The following IL1RAPL2 variants were observed in gnomAD, a reference collection of about 807,000 sequenced individuals.
The protein encoded by IL1RAPL2 is interleukin 1 receptor accessory protein like 2.
In IL1RAPL2, 3 loss-of-function variants were observed where a neutral mutation model predicts 44.1. The ratio of observed to expected loss-of-function variants is 0.07; its 90% CI spans 0.03 to 0.18. The LOEUF is 0.18. Ranked by LOEUF, IL1RAPL2 falls within the 10% of genes least tolerant of loss-of-function variation. The pLI is 1.00. For missense variants in IL1RAPL2, 391 were observed against 496.4 expected (o/e 0.79, Z 2.02); for synonymous variants, 181 against 178.8 (o/e 1.01, Z -0.10).
chrX:105,119,457 G>A (rs7052838), intron 2 of IL1RAPL2, among the ~76,000 whole-genome samples: 9,517 of 110,670 alleles, frequency 0.086, 1,011 homozygotes, highest in African/African-American at 0.3. Flanking sequence ...ACAGCGGCTC[G>A]ATCCTGCATT....
At chrX:105,292,441 G>T (rs2034620999) in intron 5 of IL1RAPL2, among the ~76,000 whole-genome samples, 1 of 111,710 alleles carries the variant, frequency 9.0e-6, no homozygotes, top group Non-Finnish European at 1.9e-5. Flanking sequence ...TTTTGAAAAG[G>T]CTGTTAAAAT....
At chrX:105,238,279 C>A (rs1392946643) in intron 4 of IL1RAPL2, among the ~76,000 whole-genome samples, 6 of 112,158 alleles carry the variant, frequency 5.3e-5, no homozygotes, top group African/African-American at 1.6e-4. Context: ...TACAGAGAAA[C>A]CTTTAGGCCT....
chrX:105,321,558 G>T (rs2034897653), intron 5 of IL1RAPL2, among the ~76,000 whole-genome samples: 1 of 112,033 alleles, frequency 8.9e-6, no homozygotes, highest in Admixed American at 9.5e-5. Context: ...CTGTGCATCT[G>T]CACAGATCAT....
intron 2 of IL1RAPL2, among the ~76,000 whole-genome samples, chrX:105,140,357 G>A (rs1395696193): frequency 8.9e-6 from 1 of 112,082 alleles, no homozygotes. Context: ...CAGACATTAG[G>A]CTGGAAGTGG....
intron 2 of IL1RAPL2, among the ~76,000 whole-genome samples, chrX:105,042,823 C>T (rs1234554872): frequency 9.3e-6 from 1 of 107,606 alleles, no homozygotes; most frequent in Non-Finnish European, 1.9e-5. Context: ...GACTTGGAAC[C>T]AACCCAAATG....
chrX:105,744,928 C>T (rs1423761712), intron 8 of IL1RAPL2, among the ~76,000 whole-genome samples: 1 of 111,848 alleles, frequency 8.9e-6, no homozygotes, highest in Non-Finnish European at 1.9e-5. Flanking sequence ...ATCTCTCTCT[C>T]TTCATTCTCA....
At chrX:104,924,217 G>T (rs892245284) in intron 2 of IL1RAPL2, among the ~76,000 whole-genome samples, 1 of 111,485 alleles carries the variant, frequency 9.0e-6, no homozygotes, top group African/African-American at 3.3e-5. Flanking sequence ...AATAGTGGGA[G>T]ACTTGAACAT....
At chrX:105,156,260 G>C (rs939465455) in intron 2 of IL1RAPL2, among the ~76,000 whole-genome samples, 1 of 111,407 alleles carries the variant, frequency 9.0e-6, no homozygotes, top group African/African-American at 3.3e-5. Context: ...AGGGGGCTTG[G>C]ATTGATCATC....
At chrX:105,177,492 A>G (rs918877108) in intron 2 of IL1RAPL2, among the ~76,000 whole-genome samples, 1 of 110,684 alleles carries the variant, frequency 9.0e-6, no homozygotes, top group African/African-American at 3.3e-5. Context: ...TCCTCCCCCA[A>G]TCCCTAGAAA....
intron 5 of IL1RAPL2, among the ~76,000 whole-genome samples, chrX:105,374,403 G>A (rs2035369613): frequency 9.0e-6 from 1 of 111,090 alleles, no homozygotes; most frequent in Admixed American, 9.6e-5. Flanking sequence ...GATAGAAATA[G>A]CATTGACTCT....
intron 2 of IL1RAPL2, among the ~76,000 whole-genome samples, chrX:105,110,177 TA>T (rs1428658632): frequency 3.6e-5 from 4 of 112,215 alleles, no homozygotes; most frequent in Non-Finnish European, 7.5e-5. Flanking sequence ...GTTTTTCCAG[TA>T]GCCCTTCACA....
intron 1 of IL1RAPL2, among the ~76,000 whole-genome samples, chrX:104,654,512 C>T (rs1030077454): frequency 9.0e-6 from 1 of 110,809 alleles, no homozygotes; most frequent in African/African-American, 3.3e-5. Flanking sequence ...GCATAGGCAG[C>T]AAGGAGGAGA....
intron 2 of IL1RAPL2, among the ~76,000 whole-genome samples, chrX:105,116,715 AAAT>A (rs1202197907): frequency 8.9e-6 from 1 of 112,721 alleles, no homozygotes; most frequent in African/African-American, 3.2e-5. Context: ...AAGATTAAAA[AAAT>A]ATTTGTTTTG....
rs62604873 is a variant in IL1RAPL2, at chrX:104,995,798, C to T, written c.83-199677C>T. On this transcript the variant is annotated intron_variant, in intron 2 of 10. Transcript: ENST00000372582. ...GATAGAGGATTATCCTCTTTGCCACCTATAAGCTGGCTTTGATCCCTCTTA... is the reference window on the plus strand; with the variant it reads ...GATAGAGGATTATCCTCTTTGCCACTTATAAGCTGGCTTTGATCCCTCTTA... 3.3e-3 allele frequency among the ~76,000 whole-genome samples: 370 copies of T among 111,982 alleles called. 1 individual carries two copies. The highest frequency in any genetic ancestry group is 5.2e-3 in the Non-Finnish European group (275 of 53,083).
intron 6 of IL1RAPL2, among the ~76,000 whole-genome samples, chrX:105,529,474 T>C (rs959144482): frequency 4.5e-5 from 5 of 111,179 alleles, no homozygotes; most frequent in African/African-American, 1.6e-4. Context: ...GGTATTCTTA[T>C]ATGAAAAGGA....
intron 5 of IL1RAPL2, among the ~76,000 whole-genome samples, chrX:105,475,230 G>T (rs2036189925): frequency 9.0e-6 from 1 of 111,316 alleles, no homozygotes; most frequent in South Asian, 3.8e-4. Flanking sequence ...TTATTAATTT[G>T]CAGTATGATA....
chrX:104,753,604 A>G (rs752727744), intron 2 of IL1RAPL2, among the ~76,000 whole-genome samples: 34 of 111,660 alleles, frequency 3.0e-4, no homozygotes, highest in Non-Finnish European at 4.0e-4. Context: ...CTTTTTGTTA[A>G]TTTAAGGGCA....
At chrX:104,746,456 T>C (rs1932177071) in intron 2 of IL1RAPL2, among the ~76,000 whole-genome samples, 1 of 111,629 alleles carries the variant, frequency 9.0e-6, no homozygotes, top group South Asian at 3.7e-4. Flanking sequence ...GTAGCAAAAA[T>C]ACTATGGTGA....
chrX:105,092,460 G>A (rs771098996), intron 2 of IL1RAPL2, among the ~76,000 whole-genome samples: 8 of 111,205 alleles, frequency 7.2e-5, no homozygotes. Context: ...TTACTCTCCT[G>A]GCATCCTTAT....
Sources: gnomAD v4.1 joint callset for allele counts (sites outside exome capture counted in the v4.1 genomes callset) on GRCh38, gnomAD v4.1.1 for gene constraint, MANE v1.5 for transcripts, NCBI Gene and HGNC (gene_info 2026-07-23, HGNC 2026-07-21) for gene names.